The following EPSTI1 variants were observed in gnomAD, a reference collection of about 807,000 sequenced individuals.
EPSTI1 encodes the protein epithelial stromal interaction 1.
Under a neutral mutation model 49.9 loss-of-function variants are expected in EPSTI1, and 66 were observed. That is an observed-to-expected ratio of 1.32 (90% CI 1.08 to 1.62). EPSTI1 has a LOEUF of 1.62. Ranked by LOEUF, EPSTI1 falls within the 40% of genes most tolerant of loss-of-function variation. The probability of loss-of-function intolerance (pLI) is 0.00; values close to 1 mark genes in which losing one functional copy is unlikely to be tolerated. For missense variants in EPSTI1, 394 were observed against 365.5 expected (o/e 1.08, Z -0.64); for synonymous variants, 137 against 130.7 (o/e 1.05, Z -0.33).
At chr13:42,916,263 A>T (rs2037827109) in intron 8 of EPSTI1, among the ~76,000 whole-genome samples, 1 of 74,254 alleles carries the variant, frequency 1.3e-5, no homozygotes, top group Non-Finnish European at 3.5e-5. Flanking sequence ...AGACAAAAAG[A>T]TATTTATTTA....
At chr13:42,991,639 G>C (rs2040195804) in intron 1 of EPSTI1, among the ~76,000 whole-genome samples, 1 of 152,206 alleles carries the variant, frequency 6.6e-6, no homozygotes, top group Non-Finnish European at 1.5e-5. Flanking sequence ...ACTGGTTGGA[G>C]TATGAGTTCT....
At chr13:42,977,271 C>T (rs1257648850) in intron 1 of EPSTI1, among the ~76,000 whole-genome samples, 2 of 152,192 alleles carry the variant, frequency 1.3e-5, no homozygotes, top group Middle Eastern at 3.2e-3. Context: ...ATCCTTTATT[C>T]TTTAACCAAA....
At chr13:42,909,247 C>G (rs2037594535) in intron 8 of EPSTI1, among the ~76,000 whole-genome samples, 3 of 152,104 alleles carry the variant, frequency 2.0e-5, no homozygotes. Context: ...TATTATCTCA[C>G]CCCCATTACA....
chr13:42,903,596 G>C, intron 8 of EPSTI1, among the ~76,000 whole-genome samples: 1 of 152,138 alleles, frequency 6.6e-6, no homozygotes, highest in Non-Finnish European at 1.5e-5. Context: ...AAAACAATTT[G>C]AGTCTAGGAA....
At chr13:42,889,971 C>G (rs1375189316) in intron 10 of EPSTI1, among the ~76,000 whole-genome samples, 1 of 152,102 alleles carries the variant, frequency 6.6e-6, no homozygotes, top group African/African-American at 2.4e-5. Flanking sequence ...CATGTAAGTA[C>G]TCAATTGTCC....
intron 6 of EPSTI1, among the ~76,000 whole-genome samples, chr13:42,927,358 A>G (rs137914956): frequency 6.6e-6 from 1 of 151,958 alleles, no homozygotes; most frequent in African/African-American, 2.4e-5. Context: ...TGTGATTTTT[A>G]TCTCTTCATT....
intron 5 of EPSTI1, 106 bp downstream of exon 5, chr13:42,963,141 AAGAGAGAG>A: frequency 4.0e-6 from 3 of 758,134 alleles, no homozygotes; most frequent in Non-Finnish European, 6.5e-6. Context: ...GGGGAATAGA[AAGAGAGAG>A]AGAGAGAAAG....
intron 10 of EPSTI1, 111 bp from the exon 11 acceptor site, chr13:42,888,613 T>TG (rs2036934753): frequency 8.9e-7 from 1 of 1,126,940 alleles, no homozygotes; most frequent in Admixed American, 2.6e-5. Context: ...CAAGCTGAAA[T>TG]GACCATTTTT....
rs554589801 is a variant in EPSTI1 at position 42,940,184 on chromosome 13, A to T, written c.564-13755T>A. On this transcript the variant is annotated intron_variant, in intron 6 of 10. Transcript: ENST00000313624. ...ATCTCTTTTTTTCACTTCAGCCCGA[A>T]CATACCAGCTTCCTTTCAGGTTGCT... Among the ~76,000 whole-genome samples, 56 of 152,306 alleles carry T rather than the reference A, an allele frequency of 3.7e-4. 2 individuals are homozygous for T. The South Asian group carries it at 0.011, about 30-fold the overall frequency.
chr13:42,946,369 G>A (rs929233741), intron 6 of EPSTI1, among the ~76,000 whole-genome samples: 3 of 152,152 alleles, frequency 2.0e-5, no homozygotes, highest in African/African-American at 4.8e-5. Context: ...TTTGGAATGC[G>A]CTTGGTTCCA....
At position 42,929,437 on chromosome 13, in the gene EPSTI1, C is replaced by T. The variant is rs543053322; in HGVS notation, c.564-3008G>A. 1.2e-4 allele frequency among the ~76,000 whole-genome samples: 18 copies of T among 152,298 alleles called. No homozygotes were observed. The South Asian group carries it at 1.9e-3, about 16-fold the overall frequency. On this transcript the variant is annotated intron_variant, in intron 6 of 10. Transcript: ENST00000313624. ...TCAATCCAGAGCAACTCCCTGCCTC[C>T]GTAGACCCTCCCCAAAATTACCCAA...
chr13:42,950,275 A>G (rs967368299), intron 6 of EPSTI1, among the ~76,000 whole-genome samples: 1 of 152,256 alleles, frequency 6.6e-6, no homozygotes, highest in Non-Finnish European at 1.5e-5. Context: ...CAGTACTGCA[A>G]AAGTACATTC....
At chr13:42,972,023 A>C (rs890197885) in intron 1 of EPSTI1, among the ~76,000 whole-genome samples, 21 of 152,208 alleles carry the variant, frequency 1.4e-4, no homozygotes, top group Admixed American at 1.2e-3. Flanking sequence ...CTGAATTGCC[A>C]GTACTTTTTA....
chr13:42,897,767 A>G (rs971961382), intron 9 of EPSTI1, among the ~76,000 whole-genome samples: 3 of 152,216 alleles, frequency 2.0e-5, no homozygotes, highest in Non-Finnish European at 4.4e-5. Flanking sequence ...GTGTGAGTCA[A>G]CCAGAGATAA....
At chr13:42,959,416 T>G (rs1175342139) in intron 5 of EPSTI1, among the ~76,000 whole-genome samples, 1 of 152,226 alleles carries the variant, frequency 6.6e-6, no homozygotes, top group Non-Finnish European at 1.5e-5. Context: ...TTTCCCAATT[T>G]ATATAAACAA....
rs547203579 is a variant in EPSTI1 at position 42,901,882 on chromosome 13, C to T, written c.742-1499G>A. Among the ~76,000 whole-genome samples the T allele has an allele frequency of 2.6e-4, 40 of 152,134 alleles. No homozygotes were observed. In the South Asian group the frequency reaches 7.5e-3, roughly 28 times the overall value. Reference sequence around the variant, plus strand: ...CTGCACCCACTAACTCGTCATCTAGCATTAGGTATATCTCCCAATGCTATC... The same window carrying T: ...CTGCACCCACTAACTCGTCATCTAGTATTAGGTATATCTCCCAATGCTATC... On this transcript the variant is annotated intron_variant, in intron 8 of 10. Transcript: ENST00000313624.
chr13:42,991,868 C>T (rs2040200301), intron 1 of EPSTI1, 110 bp downstream of exon 1: 1 of 1,210,058 alleles, frequency 8.3e-7, no homozygotes, highest in Admixed American at 2.0e-5. Context: ...CAGTCAAAAT[C>T]CCTGTTGTTG....
Position 42,978,174 on chromosome 13 carries a change from T to C in EPSTI1, c.189-7504A>G, listed in dbSNP as rs567874847. Among the ~76,000 whole-genome samples, 76 of 151,714 alleles carry C rather than the reference T, an allele frequency of 5.0e-4. No individual in the cohort carries two copies. In the Middle Eastern group the frequency reaches 0.014, roughly 27 times the overall value. ...TCTCAAAAAAAAAAAAGAAAGTTTA[T>C]TTTGCCAAGGTTGAGGACGCACCCA... is the stretch of plus-strand genomic sequence containing the variant. On this transcript the variant is annotated intron_variant, in intron 1 of 10. Transcript: ENST00000313624.
chr13:42,917,397 C>T lies in EPSTI1; in HGVS notation c.741+144G>A, dbSNP rs1199633121. The T allele has an allele frequency of 5.1e-6, 4 of 791,698 alleles. No homozygotes were observed. The Admixed American group carries it at 6.7e-5, about 13-fold the overall frequency. 49.0% of individuals were successfully genotyped at this position (791,698 alleles called of 1,614,324 possible). ...CACCACCATACTCTTAAAACACATCCAGAAACTCACCTTTTATTTTCAATG... is the reference window on the plus strand; with the variant it reads ...CACCACCATACTCTTAAAACACATCTAGAAACTCACCTTTTATTTTCAATG... On this transcript the variant is annotated intron_variant, in intron 8 of 10. Coordinates refer to ENST00000313624, the MANE Select transcript of EPSTI1 (RefSeq NM_033255.5).
Sources: gnomAD v4.1 joint callset for allele counts (sites outside exome capture counted in the v4.1 genomes callset) on GRCh38, gnomAD v4.1.1 for gene constraint, MANE v1.5 for transcripts, NCBI Gene and HGNC (gene_info 2026-07-23, HGNC 2026-07-21) for gene names.